The following NT5C2 variants were observed in gnomAD, a reference collection of about 807,000 sequenced individuals.
NT5C2 encodes the protein 5'-nucleotidase, cytosolic II, also known as cytosolic purine 5'-nucleotidase.
Under a neutral mutation model 76.1 loss-of-function variants are expected in NT5C2, and 58 were observed. The ratio of observed to expected loss-of-function variants is 0.76; its 90% confidence interval spans 0.62 to 0.95. The LOEUF (loss-of-function observed/expected upper bound fraction) is 0.95, where lower values mean the gene tolerates loss of function less well. Among genes scored for constraint, NT5C2 ranks in the 40% least tolerant of loss-of-function variants. The probability of loss-of-function intolerance (pLI) is 0.00; values close to 1 mark genes in which losing one functional copy is unlikely to be tolerated. For synonymous variants in NT5C2, 229 were observed against 237.4 expected, an observed-to-expected ratio of 0.96 and a Z score of 0.32; for missense variants, 478 against 690.3, an observed-to-expected ratio of 0.69 and a Z score of 3.45.
chr10:103,129,446 C>T (rs1420058515), intron 4 of NT5C2, among the ~76,000 whole-genome samples: 21 of 103,680 alleles, frequency 2.0e-4, no homozygotes, highest in South Asian at 3.6e-4. Flanking sequence ...CCCCTCAGCC[C>T]GGCCAGCCAC....
rs1292530222 is a variant in NT5C2, at chr10:103,105,743, G to C, written c.352C>G (p.Leu118Val). 1 of 1,613,298 alleles carries C rather than the reference G, an allele frequency of 6.2e-7. No homozygotes were observed. Among genetic ancestry groups the C allele is most frequent in the African/African-American group, 1.3e-5 (1 of 74,982 alleles). ...NLLKVDAYGN[L>V]LVCAHGFNFI... is the part of the protein sequence containing the mutation. ...TTAAATCCATGTGCACAGACCAAGA[G>C]GTTTCCATAGGCATCGACTTTCAAA... The change falls in exon 6 of 19, where the codon CTC becomes GTC. Residue 118 changes from leucine (L) to valine (V), a missense_variant. By Grantham distance (32) the Leu-to-Val change is conservative. Coordinates refer to ENST00000404739, the MANE Select transcript of NT5C2 (RefSeq NM_001351169.2).
At chr10:103,104,532 G>C (rs148337775) in intron 6 of NT5C2, among the ~76,000 whole-genome samples, 2 of 152,170 alleles carry the variant, frequency 1.3e-5, no homozygotes, top group Non-Finnish European at 2.9e-5. Flanking sequence ...CCTGTTTCCT[G>C]ATATTTTCAT....
chr10:103,160,122 G>A (rs1467290552), intron 3 of NT5C2, among the ~76,000 whole-genome samples: 1 of 152,164 alleles, frequency 6.6e-6, no homozygotes, highest in Non-Finnish European at 1.5e-5. Flanking sequence ...TGACATGGGT[G>A]CCAAGACCAT....
At position 103,175,517 on chromosome 10, in the gene NT5C2, G is replaced by A. The variant is rs117213332; in HGVS notation, c.-24-535C>T. 787 of 169,674 alleles carry A rather than the reference G, an allele frequency of 4.6e-3. 30 individuals are homozygous for A. In the East Asian group the frequency reaches 0.077, roughly 17 times the overall value. The allele number at this position is 169,674 out of a possible 1,614,324, so 10.5% of individuals were successfully genotyped here. ...CTGTACTACCCCAAGGTGTGAGTCT[G>A]GGTTGGATACTGGCTACCCCCCAGC... On this transcript the variant is annotated intron_variant, in intron 2 of 18. Coordinates refer to ENST00000404739, the MANE Select transcript of NT5C2 (RefSeq NM_001351169.2).
At chr10:103,092,761 C>G (rs1008412783) in intron 15 of NT5C2, among the ~76,000 whole-genome samples, 4 of 152,120 alleles carry the variant, frequency 2.6e-5, no homozygotes, top group African/African-American at 9.7e-5. Flanking sequence ...CATCACTGCC[C>G]CAGAATCACA....
At chr10:103,131,338 C>A (rs920115192) in intron 4 of NT5C2, among the ~76,000 whole-genome samples, 7 of 152,188 alleles carry the variant, frequency 4.6e-5, no homozygotes, top group Non-Finnish European at 8.8e-5. Flanking sequence ...TTTTATAGTT[C>A]ATTCTATGGT....
chr10:103,097,132 C>G (rs1303685171), intron 11 of NT5C2, among the ~76,000 whole-genome samples, 159 bp downstream of exon 11: 1 of 152,224 alleles, frequency 6.6e-6, no homozygotes, highest in Non-Finnish European at 1.5e-5. Flanking sequence ...AATTTGAGAA[C>G]CACTGTTATC....
chr10:103,152,835 CTAAAT>C (rs536557538), intron 3 of NT5C2, among the ~76,000 whole-genome samples: 222 of 152,284 alleles, frequency 1.5e-3, no homozygotes, highest in Non-Finnish European at 2.8e-3. Flanking sequence ...GAATTCTACT[CTAAAT>C]TATTTTTTGC....
intron 4 of NT5C2, among the ~76,000 whole-genome samples, chr10:103,130,021 C>T (rs1468481317): frequency 1.1e-4 from 16 of 149,380 alleles, no homozygotes; most frequent in African/African-American, 1.5e-4. Flanking sequence ...GTGAGGAGCC[C>T]CTCTGCCCGG....
intron 3 of NT5C2, among the ~76,000 whole-genome samples, chr10:103,149,727 A>G (rs1273908464): frequency 6.6e-6 from 1 of 152,138 alleles, no homozygotes; most frequent in African/African-American, 2.4e-5. Context: ...ATGGTTATCC[A>G]TGTTAGCTAA....
At chr10:103,176,921 C>A (rs1212340970) in intron 2 of NT5C2, among the ~76,000 whole-genome samples, 1 of 151,948 alleles carries the variant, frequency 6.6e-6, no homozygotes, top group Non-Finnish European at 1.5e-5. Flanking sequence ...TGGGGTAGGT[C>A]TGTAATGTGA....
chr10:103,106,493 G>T (rs568624256), intron 5 of NT5C2, 96 bp downstream of exon 5: 41 of 774,394 alleles, frequency 5.3e-5, no homozygotes, highest in East Asian at 1.5e-4. Context: ...GTTTTGGGGG[G>T]TTTTTTTGTT....
intron 4 of NT5C2, among the ~76,000 whole-genome samples, chr10:103,134,986 A>G (rs2078913895): frequency 6.6e-6 from 1 of 152,194 alleles, no homozygotes; most frequent in African/African-American, 2.4e-5. Flanking sequence ...GAATGGCTGT[A>G]TTTACTCAAT....
intron 3 of NT5C2, among the ~76,000 whole-genome samples, chr10:103,171,691 AG>A (rs772047596): frequency 2.0e-5 from 3 of 152,212 alleles, no homozygotes; most frequent in East Asian, 3.8e-4. Flanking sequence ...TCTACTCCCA[AG>A]GACCCTAACT....
At chr10:103,187,240 AC>A (rs1323855291) in intron 1 of NT5C2, among the ~76,000 whole-genome samples, 2 of 149,320 alleles carry the variant, frequency 1.3e-5, no homozygotes, top group Non-Finnish European at 3.0e-5. Context: ...ACACAGAGAG[AC>A]TCCACCTTAA....
intron 3 of NT5C2, among the ~76,000 whole-genome samples, chr10:103,159,257 A>ATG (rs2084203649): frequency 2.4e-5 from 3 of 126,658 alleles, no homozygotes; most frequent in Non-Finnish European, 5.2e-5. Flanking sequence ...ACATGCACAC[A>ATG]CACACACACA....
intron 1 of NT5C2, among the ~76,000 whole-genome samples, chr10:103,186,137 TTCTGG>T (rs2091985883): frequency 6.6e-6 from 1 of 152,184 alleles, no homozygotes; most frequent in Non-Finnish European, 1.5e-5. Context: ...AGAGTACGGA[TTCTGG>T]AGCCACACTG....
intron 3 of NT5C2, among the ~76,000 whole-genome samples, chr10:103,140,708 T>G (rs2080254945): frequency 6.6e-6 from 1 of 152,218 alleles, no homozygotes; most frequent in Non-Finnish European, 1.5e-5. Flanking sequence ...TTCTTATCTT[T>G]TTGATAAAAG....
rs539616714 is a variant in NT5C2 at position 103,110,934 on chromosome 10, C to T, written c.176-4228G>A. ...GACCTGGTGGCAAAAATTCCTGAAG[C>T]TAAGTACTGCCATTCCTTTAAAAAT... On this transcript the variant is annotated intron_variant, in intron 4 of 18. Transcript: ENST00000404739. 8.5e-5 allele frequency among the ~76,000 whole-genome samples: 13 copies of T among 152,180 alleles called. No individual in the cohort carries two copies. The East Asian group carries it at 1.5e-3, about 18-fold the overall frequency.
Sources: allele counts gnomAD v4.1 joint callset (sites outside exome capture counted in the v4.1 genomes callset), GRCh38; gene constraint gnomAD v4.1.1; transcripts MANE v1.5; gene names NCBI Gene and HGNC (gene_info 2026-07-23, HGNC 2026-07-21).